The following HMGN5 variants were observed in gnomAD, a reference collection of about 807,000 sequenced individuals.
HMGN5 encodes the protein high mobility group nucleosome-binding domain-containing protein 5.
In HMGN5, 4 loss-of-function variants were observed where a neutral mutation model predicts 9.5. The observed-to-expected ratio is 0.42, with a 90% CI of 0.21 to 0.96. HMGN5 has a LOEUF of 0.96. Among genes scored for constraint, HMGN5 ranks in the 40% least tolerant of loss-of-function variants. The pLI, the probability that HMGN5 is intolerant of heterozygous loss-of-function variation, is 0.30. For missense variants in HMGN5, 192 were observed against 187.5 expected (o/e 1.02, Z -0.14); for synonymous variants, 55 against 57.1 (o/e 0.96, Z 0.16).
intron 1 of HMGN5, among the ~76,000 whole-genome samples, chrX:81,146,801 A>C (rs2075345606): frequency 8.9e-6 from 1 of 111,912 alleles, no homozygotes; most frequent in Non-Finnish European, 1.9e-5. Context: ...CACAATAAAA[A>C]ATGATAAAGG....
rs185931789 is a variant in HMGN5 at position 81,158,981 on chromosome X, C to G, written c.-123-37309G>C. 4.5e-5 allele frequency among the ~76,000 whole-genome samples: 5 copies of G among 111,580 alleles called. No homozygotes were observed. In the East Asian group the frequency reaches 1.4e-3, roughly 31 times the overall value. On this transcript the variant is annotated intron_variant, in intron 1 of 6. Coordinates refer to ENST00000358130, the MANE Select transcript of HMGN5 (RefSeq NM_030763.3). Reference sequence around the variant, plus strand: ...CACAATAGCAGAGACATGGAATCAACCCAAATGTCCATCAATAATAGACTG... The same window carrying G: ...CACAATAGCAGAGACATGGAATCAAGCCAAATGTCCATCAATAATAGACTG...
chrX:81,170,206 G>A (rs910089247), intron 1 of HMGN5, among the ~76,000 whole-genome samples: 2 of 110,401 alleles, frequency 1.8e-5, no homozygotes, highest in African/African-American at 3.3e-5. Context: ...GAAAATAAGA[G>A]TCATTACATA....
intron 1 of HMGN5, among the ~76,000 whole-genome samples, chrX:81,143,844 T>C (rs1376740475): frequency 1.8e-5 from 2 of 111,515 alleles, no homozygotes; most frequent in Non-Finnish European, 3.8e-5. Context: ...GAGGCTTGAG[T>C]AGACAGTTTT....
At chrX:81,157,943 C>A (rs1180045640) in intron 1 of HMGN5, among the ~76,000 whole-genome samples, 2 of 110,184 alleles carry the variant, frequency 1.8e-5, no homozygotes, top group Admixed American at 9.7e-5. Context: ...CCATGCCCGG[C>A]TACTTTTTTT....
In HMGN5 at chrX:81,122,618, T is replaced by G. The variant is rs775665865; in HGVS notation, c.-123-946A>C. On this transcript the variant is annotated intron_variant, in intron 1 of 6. Coordinates refer to ENST00000358130, the MANE Select transcript of HMGN5 (RefSeq NM_030763.3). ...TTTGATATTTTGTTCATCATGGACT[T>G]TTTTGCAAGAATTTTGATATTTAAA... Among the ~76,000 whole-genome samples, 7 of 112,070 alleles carry G rather than the reference T, an allele frequency of 6.2e-5. No homozygotes were observed. In the East Asian group the frequency reaches 2.0e-3, roughly 31 times the overall value.
At chrX:81,172,772 A>G (rs1327873952) in intron 1 of HMGN5, among the ~76,000 whole-genome samples, 1 of 111,188 alleles carries the variant, frequency 9.0e-6, no homozygotes, top group Non-Finnish European at 1.9e-5. Context: ...ACTGGAAAAA[A>G]TATTTGCAAC....
chrX:81,125,663 TTA>T (rs2075281316), intron 1 of HMGN5, among the ~76,000 whole-genome samples: 2 of 111,942 alleles, frequency 1.8e-5, no homozygotes, highest in Admixed American at 1.9e-4. Context: ...ATAATACATT[TTA>T]TGTTTCTATT....
At chrX:81,126,045 G>A (rs1163553640) in intron 1 of HMGN5, among the ~76,000 whole-genome samples, 2 of 107,325 alleles carry the variant, frequency 1.9e-5, no homozygotes, top group African/African-American at 3.4e-5. Context: ...CTACTTGGGA[G>A]GCTGCGGCAG....
chrX:81,115,302 C>T (rs1425231678), intron 6 of HMGN5, 72 bp from the exon 7 acceptor site: 1 of 1,023,056 alleles, frequency 9.8e-7, no homozygotes, highest in Non-Finnish European at 1.3e-6. Flanking sequence ...AATATTTACA[C>T]TGGATTATAT....
chrX:81,174,768 T>C (rs1011086541), intron 1 of HMGN5, among the ~76,000 whole-genome samples: 4 of 111,718 alleles, frequency 3.6e-5, no homozygotes, highest in Non-Finnish European at 7.5e-5. Flanking sequence ...TAATAAATAA[T>C]TTAATAAGTA....
chrX:81,158,717 T>C (rs1244858585), intron 1 of HMGN5, among the ~76,000 whole-genome samples: 1 of 111,917 alleles, frequency 8.9e-6, no homozygotes, highest in Admixed American at 9.5e-5. Context: ...GCTTTTGGAG[T>C]TTTCGTCATG....
chrX:81,167,965 GC>G (rs2075415746), intron 1 of HMGN5, among the ~76,000 whole-genome samples: 1 of 111,822 alleles, frequency 8.9e-6, no homozygotes, highest in African/African-American at 3.2e-5. Flanking sequence ...TCCAAATTTG[GC>G]AGCCTATCTG....
intron 1 of HMGN5, among the ~76,000 whole-genome samples, chrX:81,175,061 G>A (rs1453818059): frequency 8.9e-6 from 1 of 111,973 alleles, no homozygotes; most frequent in African/African-American, 3.2e-5. Context: ...TCAGAAGACT[G>A]ATGATGGAAG....
At chrX:81,168,779 G>A (rs1014380211) in intron 1 of HMGN5, among the ~76,000 whole-genome samples, 1 of 111,806 alleles carries the variant, frequency 8.9e-6, no homozygotes, top group African/African-American at 3.3e-5. Context: ...TCTACAAGTA[G>A]GATTTATTAA....
At chrX:81,148,685 C>T (rs1037005876) in intron 1 of HMGN5, among the ~76,000 whole-genome samples, 11 of 111,153 alleles carry the variant, frequency 9.9e-5, no homozygotes, top group African/African-American at 2.6e-4. Context: ...ACCATTAGAG[C>T]GAACAGGCAG....
At chrX:81,162,497 A>G (rs2075400169) in intron 1 of HMGN5, among the ~76,000 whole-genome samples, 1 of 110,778 alleles carries the variant, frequency 9.0e-6, no homozygotes, top group Non-Finnish European at 1.9e-5. Context: ...GCAGTAGGAC[A>G]AAACAAGGAA....
chrX:81,170,393 ACT>A (rs1344401415), intron 1 of HMGN5, among the ~76,000 whole-genome samples: 1 of 111,598 alleles, frequency 9.0e-6, no homozygotes, highest in Non-Finnish European at 1.9e-5. Flanking sequence ...TGTTAACATA[ACT>A]CTATTTTATA....
At chrX:81,181,451 A>G (rs748090329) in intron 1 of HMGN5, among the ~76,000 whole-genome samples, 6 of 111,481 alleles carry the variant, frequency 5.4e-5, no homozygotes, top group Non-Finnish European at 1.1e-4. Flanking sequence ...CTTTGGTTAC[A>G]AGCTATCCAA....
intron 1 of HMGN5, among the ~76,000 whole-genome samples, chrX:81,144,850 C>T (rs1023639643): frequency 2.7e-5 from 3 of 111,664 alleles, no homozygotes; most frequent in Non-Finnish European, 3.8e-5. Context: ...CTTCTTGAAG[C>T]ATACAAAAGT....
Sources: allele counts gnomAD v4.1 joint callset (sites outside exome capture counted in the v4.1 genomes callset), GRCh38; gene constraint gnomAD v4.1.1; transcripts MANE v1.5; gene names NCBI Gene and HGNC (gene_info 2026-07-23, HGNC 2026-07-21).